PHF20: variants seen among roughly 807,000 people sequenced by gnomAD.
PHF20 encodes the protein glioma-expressed antigen 2.
A neutral mutation model predicts 113.5 loss-of-function variants in PHF20; 23 were observed. The ratio of observed to expected loss-of-function variants is 0.20; its 90% CI spans 0.15 to 0.29. PHF20 has a LOEUF of 0.29. PHF20 is among the 10% of genes least tolerant of loss of function. PHF20 has a pLI of 1.00. For synonymous variants in PHF20, 434 were observed against 457.3 expected (o/e 0.95, Z 0.65); for missense variants, 943 against 1,219.6 (o/e 0.77, Z 3.38).
intron 4 of PHF20, among the ~76,000 whole-genome samples, chr20:35,857,572 TTTTTTTTTTTTTTTG>T (rs1568660877): frequency 1.5e-5 from 2 of 130,210 alleles, no homozygotes; most frequent in African/African-American, 6.7e-5. Context: ...CTTTTTTTTT[TTTTTTTTTTTTTTTG>T]TTTTTTTTTT....
At chr20:35,878,693 A>AT in intron 9 of PHF20, 2 of 778,230 alleles carry the variant, frequency 2.6e-6, no homozygotes, top group Admixed American at 1.7e-5. Flanking sequence ...GACTGTTGTT[A>AT]TATCATGTAT....
At chr20:35,887,827 A>G (rs2054765072) in intron 9 of PHF20, 1 of 150,538 alleles carries the variant, frequency 6.6e-6, no homozygotes, top group East Asian at 1.9e-4. Flanking sequence ...AAAAAAAAAA[A>G]GAAGAAGTTA....
Position 35,792,564 on chromosome 20 carries a change from C to T in PHF20, c.-32-8927C>T, listed in dbSNP as rs1052069178. On this transcript the variant is annotated intron_variant, in intron 1 of 17. Transcript: ENST00000374012. ...TTCCTCCTTACCTCTTCTGCCTTTC[C>T]TCCCTCCTTCCCTACCTTGTCAAGT... Among the ~76,000 whole-genome samples, 2 of 151,900 alleles carry T rather than the reference C, an allele frequency of 1.3e-5. 1 individual carries two copies. The highest frequency in any genetic ancestry group is 3.9e-4 in the East Asian group (2 of 5,192).
At chr20:35,856,724 G>C (rs1175095347) in intron 4 of PHF20, among the ~76,000 whole-genome samples, 1 of 152,218 alleles carries the variant, frequency 6.6e-6, no homozygotes, top group Non-Finnish European at 1.5e-5. Flanking sequence ...TTACAGAACT[G>C]TTGTGGGTAT....
chr20:35,869,682 TG>T (rs2054383564), intron 7 of PHF20, 131 bp downstream of exon 7: 1 of 671,184 alleles, frequency 1.5e-6, no homozygotes. Flanking sequence ...TAATGTGAGT[TG>T]GATGCAGTTG....
intron 10 of PHF20, among the ~76,000 whole-genome samples, chr20:35,903,184 G>A (rs1422562338): frequency 6.8e-6 from 1 of 147,258 alleles, no homozygotes; most frequent in Non-Finnish European, 1.5e-5. Flanking sequence ...TAATACTGAA[G>A]GATCCTTTTC....
intron 2 of PHF20, among the ~76,000 whole-genome samples, chr20:35,833,050 CAAAAAAA>C (rs56997481): frequency 4.3e-5 from 3 of 69,824 alleles, no homozygotes; most frequent in Non-Finnish European, 9.1e-5. Flanking sequence ...GACTCCATCT[CAAAAAAA>C]AAAAAAAAAA....
At position 35,801,624 on chromosome 20, in the gene PHF20, GTTAA is replaced by G. The variant is rs1175929425; in HGVS notation, c.83+24_83+27del. ...AAAACTGGTACTTTTACATTTTTCT[GTTAA>G]TTAAAGCCCTTCAGTAAAGGATTTT... On this transcript the variant is annotated intron_variant, in intron 2 of 17. Transcript: ENST00000374012. 6.5e-7 allele frequency: 1 copy of G among 1,543,488 alleles called. No homozygotes were observed. The highest frequency in any genetic ancestry group is 2.2e-5 in the East Asian group (1 of 44,554).
At chr20:35,851,865 A>C (rs2042739163) in intron 4 of PHF20, among the ~76,000 whole-genome samples, 1 of 151,452 alleles carries the variant, frequency 6.6e-6, no homozygotes, top group African/African-American at 2.4e-5. Context: ...CAGTGAGCTG[A>C]GATTGCACCA....
At chr20:35,847,988 CAA>C (rs1390505194) in intron 4 of PHF20, among the ~76,000 whole-genome samples, 8 of 152,192 alleles carry the variant, frequency 5.3e-5, no homozygotes, top group Non-Finnish European at 1.5e-5. Context: ...AAAGGGCAGA[CAA>C]AGAGTTATGA....
intron 9 of PHF20, among the ~76,000 whole-genome samples, chr20:35,898,481 G>T (rs1378845769): frequency 6.6e-6 from 1 of 152,038 alleles, no homozygotes; most frequent in Non-Finnish European, 1.5e-5. Context: ...TGTTGACCAG[G>T]GTGGAGCACA....
chr20:35,850,184 G>T (rs1228463974), intron 4 of PHF20, among the ~76,000 whole-genome samples: 1 of 150,148 alleles, frequency 6.7e-6, no homozygotes, highest in African/African-American at 2.4e-5. Flanking sequence ...AGTCTGTGTT[G>T]TTACAAAAGA....
At chr20:35,910,112 T>G (rs1329569523) in intron 10 of PHF20, among the ~76,000 whole-genome samples, 1 of 152,210 alleles carries the variant, frequency 6.6e-6, no homozygotes, top group Non-Finnish European at 1.5e-5. Flanking sequence ...TGGAAAGTTT[T>G]AAAAATCCTG....
chr20:35,788,603 A>C (rs760687451), intron 1 of PHF20, among the ~76,000 whole-genome samples: 16 of 151,358 alleles, frequency 1.1e-4, no homozygotes, highest in Non-Finnish European at 1.6e-4. Context: ...TTTGAGACGT[A>C]GTCTCGCTCT....
chr20:35,816,393 A>C (rs1045833501), intron 2 of PHF20, among the ~76,000 whole-genome samples: 4 of 152,200 alleles, frequency 2.6e-5, no homozygotes, highest in Admixed American at 1.3e-4. Context: ...TGACATTTGA[A>C]AAATGTATAT....
intron 14 of PHF20, 109 bp from the exon 15 acceptor site, chr20:35,931,140 T>A (rs908861335): frequency 1.7e-5 from 12 of 725,382 alleles, no homozygotes; most frequent in Non-Finnish European, 2.7e-5. Context: ...ACAAAATGAG[T>A]ATACTAATCT....
At chr20:35,857,827 G>A (rs925095356) in intron 4 of PHF20, among the ~76,000 whole-genome samples, 10 of 151,852 alleles carry the variant, frequency 6.6e-5, no homozygotes, top group South Asian at 2.1e-4. Context: ...CTTGTCATCC[G>A]CCTGCCTCGG....
At chr20:35,882,354 T>A (rs1010053654) in intron 9 of PHF20, among the ~76,000 whole-genome samples, 1 of 152,208 alleles carries the variant, frequency 6.6e-6, no homozygotes, top group Non-Finnish European at 1.5e-5. Flanking sequence ...ATTGAGTACT[T>A]TTTATCCCCA....
At chr20:35,797,101 G>C (rs1168090432) in intron 1 of PHF20, among the ~76,000 whole-genome samples, 1 of 151,808 alleles carries the variant, frequency 6.6e-6, no homozygotes, top group East Asian at 1.9e-4. Flanking sequence ...CCTGCCCCTT[G>C]GCCTCCCAAA....
Sources: allele counts gnomAD v4.1 joint callset (sites outside exome capture counted in the v4.1 genomes callset), GRCh38; gene constraint gnomAD v4.1.1; transcripts MANE v1.5; gene names NCBI Gene and HGNC (gene_info 2026-07-23, HGNC 2026-07-21).